Variants in DLGAP1 observed in about 807,000 individuals in gnomAD.
The protein encoded by DLGAP1 is disks large-associated protein 1.
DLGAP1 carries 11 observed loss-of-function variants against 90.8 expected under a neutral mutation model. The ratio of observed to expected loss-of-function variants is 0.12; its 90% CI spans 0.08 to 0.20. The LOEUF is 0.20. Ranked by LOEUF, DLGAP1 falls within the 10% of genes least tolerant of loss-of-function variation. The pLI, the probability that DLGAP1 is intolerant of heterozygous loss-of-function variation, is 1.00. For synonymous variants in DLGAP1, 558 were observed against 540.7 expected, an observed-to-expected ratio of 1.03 and a Z score of -0.44; for missense variants, 1,050 against 1,333.8, an observed-to-expected ratio of 0.79 and a Z score of 3.31.
intron 3 of DLGAP1, among the ~76,000 whole-genome samples, chr18:3,929,585 G>C (rs1251603977): frequency 6.6e-6 from 1 of 152,138 alleles, no homozygotes; most frequent in Non-Finnish European, 1.5e-5. Flanking sequence ...CGTTACTCTG[G>C]GGCCATTGTG....
intron 5 of DLGAP1, among the ~76,000 whole-genome samples, chr18:3,798,976 C>A (rs1240018813): frequency 6.6e-6 from 1 of 151,922 alleles, no homozygotes; most frequent in Non-Finnish European, 1.5e-5. Context: ...CAGGTTCAAG[C>A]GAGTCTCCTG....
At chr18:4,237,618 TCTTG>T (rs2078446765) in intron 1 of DLGAP1, among the ~76,000 whole-genome samples, 1 of 152,044 alleles carries the variant, frequency 6.6e-6, no homozygotes, top group African/African-American at 2.4e-5. Context: ...TCTAATACAT[TCTTG>T]CTTGCTTATG....
At chr18:4,007,762 C>T (rs2074333801) in intron 2 of DLGAP1, among the ~76,000 whole-genome samples, 1 of 152,170 alleles carries the variant, frequency 6.6e-6, no homozygotes, top group Non-Finnish European at 1.5e-5. Context: ...TATTGGCTTG[C>T]TATTCGGTCA....
chr18:4,286,940 T>C (rs1209411613), intron 1 of DLGAP1, among the ~76,000 whole-genome samples: 1 of 152,158 alleles, frequency 6.6e-6, no homozygotes, highest in Non-Finnish European at 1.5e-5. Flanking sequence ...TTTGGGAATC[T>C]ATCCCCTTCA....
At chr18:4,296,234 A>G (rs1388158362) in intron 1 of DLGAP1, among the ~76,000 whole-genome samples, 1 of 152,174 alleles carries the variant, frequency 6.6e-6, no homozygotes, top group African/African-American at 2.4e-5. Flanking sequence ...AGTAAACAGT[A>G]CATTTTCTGA....
chr18:3,776,475 C>T (rs1026489748), intron 5 of DLGAP1, among the ~76,000 whole-genome samples: 16 of 152,112 alleles, frequency 1.1e-4, no homozygotes, highest in African/African-American at 3.6e-4. Context: ...AGAGACCGGC[C>T]TCTTGGATGA....
intron 1 of DLGAP1, among the ~76,000 whole-genome samples, chr18:4,249,915 ATATATT>A (rs1310852712): frequency 6.6e-6 from 1 of 152,152 alleles, no homozygotes; most frequent in Non-Finnish European, 1.5e-5. Flanking sequence ...CTCCATATCC[ATATATT>A]TATAAACTCT....
In DLGAP1 at chr18:4,195,709, A is replaced by G. The variant is rs539412165; in HGVS notation, c.-266-44422T>C. 1.5e-4 allele frequency among the ~76,000 whole-genome samples: 23 copies of G among 152,024 alleles called. No homozygotes were observed. In the South Asian group the frequency reaches 3.3e-3, roughly 22 times the overall value. The stretch of plus-strand genomic sequence containing the variant: ...TGGGATTACAGACATGCACCACCAC[A>G]CCTGGCTAATTTTTTGTATTTTTAG... On this transcript the variant is annotated intron_variant, in intron 1 of 12. Coordinates refer to ENST00000315677, the MANE Select transcript of DLGAP1 (RefSeq NM_004746.4).
At chr18:4,157,883 C>T (rs995986145) in intron 1 of DLGAP1, among the ~76,000 whole-genome samples, 2 of 152,124 alleles carry the variant, frequency 1.3e-5, no homozygotes, top group African/African-American at 4.8e-5. Context: ...TTCCTTCAAC[C>T]TTAGCAAGAA....
At chr18:3,696,553 G>C (rs1440496143) in intron 7 of DLGAP1, among the ~76,000 whole-genome samples, 4 of 152,204 alleles carry the variant, frequency 2.6e-5, no homozygotes, top group African/African-American at 4.8e-5. Context: ...AAGCCTACTT[G>C]ATCGTGGTGG....
At chr18:3,893,140 C>T (rs961942792) in intron 3 of DLGAP1, among the ~76,000 whole-genome samples, 1 of 151,988 alleles carries the variant, frequency 6.6e-6, no homozygotes, top group Non-Finnish European at 1.5e-5. Flanking sequence ...TAAGGGAGAA[C>T]ATGTGGTATT....
At chr18:3,843,898 C>T (rs1308174714) in intron 4 of DLGAP1, among the ~76,000 whole-genome samples, 4 of 152,036 alleles carry the variant, frequency 2.6e-5, no homozygotes, top group African/African-American at 9.7e-5. Context: ...GGTGAACCAT[C>T]GACGATATTT....
At chr18:4,109,975 C>A (rs887511712) in intron 2 of DLGAP1, among the ~76,000 whole-genome samples, 1 of 151,682 alleles carries the variant, frequency 6.6e-6, no homozygotes, top group East Asian at 1.9e-4. Flanking sequence ...TGTATACATA[C>A]ATATATGTTT....
At chr18:4,368,397 C>A (rs372600989) in intron 1 of DLGAP1, among the ~76,000 whole-genome samples, 1 of 152,120 alleles carries the variant, frequency 6.6e-6, no homozygotes, top group Admixed American at 6.5e-5. Flanking sequence ...TCAGTAGACA[C>A]TGAGTAAAGC....
intron 4 of DLGAP1, chr18:3,874,413 T>C: frequency 6.9e-7 from 1 of 1,442,418 alleles, no homozygotes; most frequent in Non-Finnish European, 9.1e-7. Flanking sequence ...TCTTTTAGGT[T>C]AACAGTTGGA....
chr18:3,836,704 T>C (rs990876147), intron 4 of DLGAP1, among the ~76,000 whole-genome samples: 5 of 152,230 alleles, frequency 3.3e-5, no homozygotes, highest in Non-Finnish European at 7.3e-5. Flanking sequence ...GCAAGTGTTC[T>C]CAGCCACACA....
intron 7 of DLGAP1, among the ~76,000 whole-genome samples, chr18:3,697,617 A>G (rs1037538704): frequency 2.0e-5 from 3 of 152,126 alleles, no homozygotes; most frequent in South Asian, 2.1e-4. Flanking sequence ...TATGTGGTCA[A>G]TTTTAGAATA....
At chr18:3,585,938 A>C (rs1273657710) in intron 7 of DLGAP1, among the ~76,000 whole-genome samples, 2 of 152,186 alleles carry the variant, frequency 1.3e-5, no homozygotes, top group Non-Finnish European at 2.9e-5. Flanking sequence ...TTTCCAACGC[A>C]TGACTGACCT....
At chr18:4,037,592 G>C (rs1403354591) in intron 2 of DLGAP1, among the ~76,000 whole-genome samples, 1 of 152,106 alleles carries the variant, frequency 6.6e-6, no homozygotes, top group Non-Finnish European at 1.5e-5. Flanking sequence ...TCTTTTGGGG[G>C]CTCTTCAGCA....
Sources: allele counts gnomAD v4.1 joint callset (sites outside exome capture counted in the v4.1 genomes callset), GRCh38; gene constraint gnomAD v4.1.1; transcripts MANE v1.5; gene names NCBI Gene and HGNC (gene_info 2026-07-23, HGNC 2026-07-21).